ESAM: variants seen among roughly 807,000 people sequenced by gnomAD.
ESAM encodes endothelial cell adhesion molecule.
ESAM carries 23 observed loss-of-function variants against 31.8 expected under a neutral mutation model. The observed-to-expected ratio is 0.72, with a 90% CI of 0.52 to 1.03. The LOEUF is 1.03. ESAM is among the 50% of genes least tolerant of loss of function. The probability of loss-of-function intolerance (pLI) is 0.00; values close to 1 mark genes in which losing one functional copy is unlikely to be tolerated. For missense variants in ESAM, 478 were observed against 488.9 expected, an observed-to-expected ratio of 0.98 and a Z score of 0.21; for synonymous variants, 216 against 207.2, an observed-to-expected ratio of 1.04 and a Z score of -0.37.
chr11:124,757,379 G>C (rs932832312), intron 2 of ESAM: 5 of 153,224 alleles, frequency 3.3e-5, no homozygotes, highest in African/African-American at 1.2e-4. Context: ...TGTAGTGAGC[G>C]AAGACTGCAC....
chr11:124,753,322 G>C lies in ESAM; in HGVS notation c.*324C>G. On this transcript the variant is annotated 3_prime_UTR_variant, in exon 7 of 7. Transcript: ENST00000278927. The stretch of plus-strand genomic sequence containing the variant: ...TGGTGTTAGATAGGGGTGGGGTACA[G>C]ATCAAGGGGGCCTGGGAGACTCAGT... 1 of 360,616 alleles carries C rather than the reference G, an allele frequency of 2.8e-6. No individual in the cohort carries two copies. Among genetic ancestry groups the C allele is most frequent in the South Asian group, 3.3e-5 (1 of 30,678 alleles). 22.3% of individuals were successfully genotyped at this position (360,616 alleles called of 1,614,324 possible).
intron 2 of ESAM, chr11:124,756,992 T>A (rs1479304435): frequency 6.1e-5 from 32 of 526,052 alleles, no homozygotes; most frequent in Non-Finnish European, 1.0e-4. Flanking sequence ...TTTAGAAAGG[T>A]GACATAATAG....
intron 3 of ESAM, 37 bp downstream of exon 3, chr11:124,756,504 A>G (rs1944157016): frequency 6.2e-7 from 1 of 1,607,644 alleles, no homozygotes; most frequent in Non-Finnish European, 8.5e-7. Context: ...CTCCCAGTGC[A>G]GGTGGGGAGG....
In ESAM at chr11:124,758,465, C is replaced by G; in HGVS notation, c.133G>C (p.Gly45Arg). Residue 45 changes from glycine to arginine, a missense_variant, in exon 2 of 7, where the codon GGA becomes CGA. Physicochemically the swap from Gly to Arg is moderately radical, Grantham distance 125 (BLOSUM62 -2). Coordinates refer to ENST00000278927, the MANE Select transcript of ESAM (RefSeq NM_138961.3). ...CACGCTGGAAGCACCACTTCCCCTCCCTCCACCGCCTGCAACCGGTTGGCG... is the reference window on the plus strand; with the variant it reads ...CACGCTGGAAGCACCACTTCCCCTCGCTCCACCGCCTGCAACCGGTTGGCG... ...LPANRLQAVE[G>R]GEVVLPAWYT... 6.2e-7 allele frequency: 1 copy of G among 1,612,512 alleles called. No individual in the cohort carries two copies. Among genetic ancestry groups the G allele is most frequent in the Non-Finnish European group, 8.5e-7 (1 of 1,179,306 alleles).
intron 4 of ESAM, among the ~76,000 whole-genome samples, chr11:124,755,719 A>G (rs537485974): frequency 4.3e-4 from 65 of 152,356 alleles, no homozygotes; most frequent in Admixed American, 9.8e-4. Context: ...TAAATCTCCA[A>G]AAAAGCAGTA....
chr11:124,762,242 T>A lies in ESAM; in HGVS notation c.-88A>T. On this transcript the variant is annotated 5_prime_UTR_variant, in exon 1 of 7. Coordinates refer to ENST00000278927, the MANE Select transcript of ESAM (RefSeq NM_138961.3). This position sits in a 1 kb window ranked among gnomAD's most constrained non-coding sequence, Gnocchi z 6.4. ...CCGAGGCTGCGCGACGGCCGGAGCG[T>A]GCGCGGGAGCCGAGCCGCTGACACC... 2.8e-6 allele frequency: 3 copies of A among 1,083,940 alleles called. No homozygotes were observed. The highest frequency in any genetic ancestry group is 3.8e-6 in the Non-Finnish European group (3 of 780,596). The allele number at this position is 1,083,940 out of a possible 1,614,324, so 67.1% of individuals were successfully genotyped here.
At position 124,753,671 on chromosome 11, in the gene ESAM, T is replaced by C. The variant is rs1434230331; in HGVS notation, c.1148A>G (p.Gln383Arg). The C allele has an allele frequency of 6.2e-7, 1 of 1,613,686 alleles. No individual in the cohort carries two copies. The highest frequency in any genetic ancestry group is 8.5e-7 in the Non-Finnish European group (1 of 1,180,042). Residue 383 changes from glutamine (Q) to arginine (R), a missense_variant, in exon 7 of 7, where the codon CAG becomes CGG. By Grantham distance (43) the Gln-to-Arg change is conservative (BLOSUM62 1). Transcript: ENST00000278927. ...TCATACCAGAGAGCCAGCTTGACTC[T>C]GGGCAGGCACCATCACAGGCACAGC... ...MGAVPVMVPA[Q>R]SQAGSLV
rs752433829 is a variant in ESAM, at chr11:124,758,497, TGCAG to T, written c.97_100del (p.Leu33ThrfsTer38). ...CGCCTGCAACCGGTTGGCGGGCAAG[TGCAG>T]TTGCAGCTGGGCCCGCGAGGGGGGC... On this transcript the variant is annotated frameshift_variant, in exon 2 of 7. Coordinates refer to ENST00000278927, the MANE Select transcript of ESAM (RefSeq NM_138961.3). LOFTEE classifies it high-confidence loss of function. The T allele has an allele frequency of 6.3e-7, 1 of 1,599,314 alleles. No individual in the cohort carries two copies. The highest frequency in any genetic ancestry group is 2.3e-5 in the East Asian group (1 of 44,202).
chr11:124,756,404 C>A, intron 3 of ESAM, 42 bp from the exon 4 acceptor site: 1 of 1,570,902 alleles, frequency 6.4e-7, no homozygotes, highest in Non-Finnish European at 8.6e-7. Flanking sequence ...CCAGGAGACC[C>A]ACAGATCCTC....
rs565402315 is a variant in ESAM at position 124,762,236 on chromosome 11, G to T, written c.-82C>A. ...CAGGTGCCGAGGCTGCGCGACGGCC[G>T]GAGCGTGCGCGGGAGCCGAGCCGCT... On this transcript the variant is annotated 5_prime_UTR_variant, in exon 1 of 7. Transcript: ENST00000278927. The surrounding 1 kb of genome is among the most constrained non-coding windows in gnomAD (Gnocchi z 6.4). The T allele has an allele frequency of 3.8e-5, 44 of 1,152,234 alleles. No homozygotes were observed. Among genetic ancestry groups the T allele is most frequent in the Non-Finnish European group, 5.3e-5 (44 of 837,702 alleles). 71.4% of individuals were successfully genotyped at this position (1,152,234 alleles called of 1,614,324 possible).
Position 124,754,158 on chromosome 11 carries a change from CCT to C in ESAM, c.857+54_857+55del, listed in dbSNP as rs1387901260. 3.8e-6 allele frequency: 6 copies of C among 1,590,584 alleles called. No homozygotes were observed. The African/African-American group carries it at 8.1e-5, about 21-fold the overall frequency. ...AGATGAGAGCTGCCTGAATTCCCAG[CCT>C]CTGTGAGGAGAGCTGGGAGAGCCCC... is the stretch of plus-strand genomic sequence containing the variant. On this transcript the variant is annotated intron_variant, in intron 6 of 6. Transcript: ENST00000278927. The surrounding 1 kb of genome is among the most constrained non-coding windows in gnomAD (Gnocchi z 4.5).
chr11:124,760,602 T>A (rs1227698848), intron 1 of ESAM, among the ~76,000 whole-genome samples: 1 of 152,240 alleles, frequency 6.6e-6, no homozygotes, highest in Non-Finnish European at 1.5e-5. Context: ...GGGTCACCAG[T>A]GCCATTTAAC....
rs1337320990 is a variant in ESAM, at chr11:124,754,619, A to G, written c.730+22T>C. ...CCCCCACCATTGACCACTCTTCTTAACCACACTTACCCCTCACTGACCTGT... is the reference window on the plus strand; with the variant it reads ...CCCCCACCATTGACCACTCTTCTTAGCCACACTTACCCCTCACTGACCTGT... On this transcript the variant is annotated intron_variant, in intron 5 of 6. Transcript: ENST00000278927. The surrounding 1 kb of genome is among the most constrained non-coding windows in gnomAD (Gnocchi z 4.5). 6.2e-7 allele frequency: 1 copy of G among 1,603,620 alleles called. No homozygotes were observed. Among genetic ancestry groups the G allele is most frequent in the East Asian group, 2.2e-5 (1 of 44,748 alleles).
intron 4 of ESAM, among the ~76,000 whole-genome samples, chr11:124,755,678 A>G (rs1350462726): frequency 1.3e-5 from 2 of 152,228 alleles, no homozygotes; most frequent in Non-Finnish European, 2.9e-5. Context: ...TCTTTCTTTT[A>G]CTTAGATATT....
intron 4 of ESAM, 152 bp downstream of exon 4, chr11:124,756,055 C>G (rs1944149129): frequency 2.9e-6 from 3 of 1,039,948 alleles, no homozygotes; most frequent in South Asian, 3.1e-5. Context: ...CCTGGCAGGG[C>G]ATCTTTCTCT....
intron 2 of ESAM, among the ~76,000 whole-genome samples, chr11:124,757,734 G>A (rs539663973): frequency 2.3e-5 from 3 of 132,520 alleles, no homozygotes; most frequent in Non-Finnish European, 3.1e-5. Flanking sequence ...GTCTTACTCC[G>A]TCGCCCAGGC....
chr11:124,757,802 A>G (rs1944174207), intron 2 of ESAM, among the ~76,000 whole-genome samples: 1 of 151,318 alleles, frequency 6.6e-6, no homozygotes, highest in Admixed American at 6.6e-5. Context: ...GATTCAAGCA[A>G]TTCTCTTGCC....
At chr11:124,755,997 G>C (rs1944148123) in intron 4 of ESAM, among the ~76,000 whole-genome samples, 1 of 152,212 alleles carries the variant, frequency 6.6e-6, no homozygotes, top group Non-Finnish European at 1.5e-5. Flanking sequence ...TGTAGAGCCT[G>C]TTTCATAACA....
chr11:124,756,957 ATT>A lies in ESAM; in HGVS notation c.250-217_250-216del. 5.2e-6 allele frequency: 3 copies of A among 575,462 alleles called. No homozygotes were observed. The South Asian group carries it at 6.1e-5, about 12-fold the overall frequency. 35.6% of individuals were successfully genotyped at this position (575,462 alleles called of 1,614,324 possible). The stretch of plus-strand genomic sequence containing the variant: ...CCAGAACAGTTCTTCGTTCCTGCGC[ATT>A]GTCTCATCTCCCAATTGCGGTGTTT... On this transcript the variant is annotated intron_variant, in intron 2 of 6. Coordinates refer to ENST00000278927, the MANE Select transcript of ESAM (RefSeq NM_138961.3).
Sources: allele counts gnomAD v4.1 joint callset (sites outside exome capture counted in the v4.1 genomes callset), GRCh38; gene constraint gnomAD v4.1.1; non-coding constraint Gnocchi (gnomAD v3.1); transcripts MANE v1.5; gene names NCBI Gene and HGNC (gene_info 2026-07-23, HGNC 2026-07-21).